TYK2: variants seen among roughly 807,000 people sequenced by gnomAD.
TYK2 encodes the protein tyrosine kinase 2.
TYK2 carries 65 observed loss-of-function variants against 130.9 expected under a neutral mutation model. The ratio of observed to expected loss-of-function variants is 0.50; its 90% confidence interval spans 0.41 to 0.61. The LOEUF is 0.61. Ranked by LOEUF, TYK2 falls within the 20% of genes least tolerant of loss-of-function variation. The probability of loss-of-function intolerance (pLI) is 0.00; values close to 1 mark genes in which losing one functional copy is unlikely to be tolerated. For missense variants in TYK2, 1,378 were observed against 1,610.7 expected (o/e 0.86, Z 2.47); for synonymous variants, 647 against 658.9 (o/e 0.98, Z 0.28).
Position 10,362,123 on chromosome 19 carries a change from G to C in TYK2, c.1728C>G (p.Leu576=), listed in dbSNP as rs1053773012. 3.7e-6 allele frequency: 6 copies of C among 1,613,994 alleles called. No homozygotes were observed. The highest frequency in any genetic ancestry group is 5.1e-6 in the Non-Finnish European group (6 of 1,180,044). Residue 576 remains leucine, a synonymous_variant, in exon 12 of 25, where the codon CTC becomes CTG. Transcript: ENST00000525621. ...CAACCCGGTGGAAGCTGAGCTGGCT[G>C]AGGTTGAGTGTCCTGGGGCTGGCCC... The part of the protein sequence containing the change: ...GARASPRTLN[L]SQLSFHRVDQ...
chr19:10,354,437 G>T, intron 19 of TYK2, 75 bp downstream of exon 19: 2 of 1,474,448 alleles, frequency 1.4e-6, no homozygotes, highest in Non-Finnish European at 1.9e-6. Flanking sequence ...ATCACCTTAG[G>T]TAGGAATTTA....
rs1250128520 is a variant in TYK2 at position 10,357,799 on chromosome 19, C to T, written c.2431G>A (p.Gly811Arg). 8 of 1,613,108 alleles carry T rather than the reference C, an allele frequency of 5.0e-6. No individual in the cohort carries two copies. Among genetic ancestry groups the T allele is most frequent in the Non-Finnish European group, 6.8e-6 (8 of 1,179,804 alleles). Residue 811 changes from glycine (G) to arginine (R), a missense_variant, in exon 17 of 25, where the codon GGA becomes AGA. Gly to Arg is a moderately radical substitution (Grantham distance 125). Coordinates refer to ENST00000525621, the MANE Select transcript of TYK2 (RefSeq NM_003331.5). ...CTGCGGCTCTGCAGAGGGGCCTCTCCGTCAAAGCAGATCTCCAGGAGGGTG... is the reference window on the plus strand; with the variant it reads ...CTGCGGCTCTGCAGAGGGGCCTCTCTGTCAAAGCAGATCTCCAGGAGGGTG... ...GATLLEICFD[G>R]EAPLQSRSPS... is the part of the protein sequence containing the mutation.
intron 22 of TYK2, 28 bp from the exon 23 acceptor site, chr19:10,352,579 G>T: frequency 8.9e-7 from 1 of 1,124,888 alleles, no homozygotes; most frequent in Non-Finnish European, 1.3e-6. Context: ...CTCAGGCCAC[G>T]GGGGGCTGCA....
chr19:10,353,867 C>T lies in TYK2; in HGVS notation c.2908+175G>A. On this transcript the variant is annotated intron_variant, in intron 20 of 24. Transcript: ENST00000525621. This position sits in a 1 kb window ranked among gnomAD's most constrained non-coding sequence, Gnocchi z 6.9. ...ATCCTGGCCCCAGCAGGTAGCACCC[C>T]CCAGATGGGAAGGAGGCAGCCCAGC... 2 of 770,172 alleles carry T rather than the reference C, an allele frequency of 2.6e-6. No individual in the cohort carries two copies. Among genetic ancestry groups the T allele is most frequent in the Non-Finnish European group, 4.2e-6 (2 of 471,112 alleles). 47.7% of individuals were successfully genotyped at this position (770,172 alleles called of 1,614,324 possible). A position where few individuals can be genotyped will look rare whatever the true frequency, so the allele number is the denominator to read the frequency against.
At chr19:10,380,193 C>G (rs1044710096) in intron 1 of TYK2, among the ~76,000 whole-genome samples, 187 bp downstream of exon 1, 1 of 152,188 alleles carries the variant, frequency 6.6e-6, no homozygotes, top group African/African-American at 2.4e-5. Flanking sequence ...AGATGAGATC[C>G]CGGGGATGGG....
chr19:10,361,901 C>T lies in TYK2; in HGVS notation c.1828G>A (p.Val610Met). The change falls in exon 13 of 25, where the codon GTG (valine) becomes ATG (methionine). Residue 610 changes from valine to methionine, a missense_variant. Coordinates refer to ENST00000525621, the MANE Select transcript of TYK2 (RefSeq NM_003331.5). This position sits in a 1 kb window ranked among gnomAD's most constrained non-coding sequence, Gnocchi z 4.0. ...RTNVYEGRLR[V>M]EGSGDPEEGK... ...TCCTCAGGGTCCCCGCTGCCCTCCACTCGCAGGCGGCCCTCATACACGTTG... is the reference window on the plus strand; with the variant it reads ...TCCTCAGGGTCCCCGCTGCCCTCCATTCGCAGGCGGCCCTCATACACGTTG... The T allele has an allele frequency of 6.2e-7, 1 of 1,614,102 alleles. No homozygotes were observed. The highest frequency in any genetic ancestry group is 1.7e-5 in the Admixed American group (1 of 60,018).
Position 10,353,118 on chromosome 19 carries a change from C to T in TYK2, c.3028-20G>A, listed in dbSNP as rs1466684346. On this transcript the variant is annotated intron_variant, in intron 21 of 24. Transcript: ENST00000525621. This position sits in a 1 kb window ranked among gnomAD's most constrained non-coding sequence, Gnocchi z 6.9. ...CATGCCCTGGGGACGGGGCAGGGCT[C>T]GTGAGTTTCAGTGGGGCGGGGTTCG... is the stretch of plus-strand genomic sequence containing the variant. 14 of 1,479,286 alleles carry T rather than the reference C, an allele frequency of 9.5e-6. No homozygotes were observed. Among genetic ancestry groups the T allele is most frequent in the Non-Finnish European group, 1.1e-5 (12 of 1,110,358 alleles). 91.6% of individuals were successfully genotyped at this position (1,479,286 alleles called of 1,614,324 possible).
Position 10,359,268 on chromosome 19 carries a change from G to A in TYK2, c.2082C>T (p.Pro694=). 1 of 1,611,932 alleles carries A rather than the reference G, an allele frequency of 6.2e-7. No individual in the cohort carries two copies. Among genetic ancestry groups the A allele is most frequent in the Non-Finnish European group, 8.5e-7 (1 of 1,179,956 alleles). Residue 694 remains proline (P), a synonymous_variant, in exon 15 of 25, where the codon CCC becomes CCT. Transcript: ENST00000525621. ...IMVTEYVEHG[P]LDVWLRRERG... is the part of the protein sequence containing the mutation. The stretch of plus-strand genomic sequence containing the variant: ...GCTCCCTCCGCAGCCACACATCCAG[G>A]GGTCCGTGCTCCACGTACTCTGTCA...
Position 10,352,517 on chromosome 19 carries a change from A to G in TYK2, c.3235T>C (p.Tyr1079His). 4 of 1,594,312 alleles carry G rather than the reference A, an allele frequency of 2.5e-6. No homozygotes were observed. The highest frequency in any genetic ancestry group is 3.4e-6 in the Non-Finnish European group (4 of 1,168,482). ...APECLKEYKF[Y>H]YASDVWSFGV... Reference sequence around the variant, plus strand: ...AAGGACCAGACATCTGACGCATAGTAGAACTTATACTCCTTCAGGCACTCT... The same window carrying G: ...AAGGACCAGACATCTGACGCATAGTGGAACTTATACTCCTTCAGGCACTCT... The change falls in exon 23 of 25, where the codon TAC (tyrosine) becomes CAC (histidine). Residue 1079 changes from tyrosine (Y) to histidine (H), a missense_variant. Coordinates refer to ENST00000525621, the MANE Select transcript of TYK2 (RefSeq NM_003331.5).
chr19:10,357,765 T>C lies in TYK2; in HGVS notation c.2465A>G (p.Glu822Gly), dbSNP rs1381320026. Residue 822 changes from glutamate (E) to glycine (G), a missense_variant and splice_region_variant, in exon 17 of 25, where the codon GAG becomes GGG. Physicochemically the swap from Glu to Gly is moderately conservative, Grantham distance 98 (BLOSUM62 -2). Transcript: ENST00000525621. ...GGCCCAAGGGTCTCCTAGACATACC[T>C]CGGAGGGACTGCGGCTCTGCAGAGG... ...EAPLQSRSPS[E>G]KEHFYQRQHR... 6.2e-7 allele frequency: 1 copy of C among 1,607,210 alleles called. No individual in the cohort carries two copies.
In TYK2 at chr19:10,362,146, C is replaced by T. The variant is rs760031894; in HGVS notation, c.1705G>A (p.Ala569Thr). 2.9e-5 allele frequency: 47 copies of T among 1,613,904 alleles called. No homozygotes were observed. The highest frequency in any genetic ancestry group is 3.8e-5 in the Non-Finnish European group (45 of 1,180,022). Reference sequence around the variant, plus strand: ...CTGAGGTTGAGTGTCCTGGGGCTGGCCCGAGCCCCCCGCATGATGATGAGA... The same window carrying T: ...CTGAGGTTGAGTGTCCTGGGGCTGGTCCGAGCCCCCCGCATGATGATGAGA... ...SNLIIMRGAR[A>T]SPRTLNLSQL... is the part of the protein sequence containing the mutation. The change falls in exon 12 of 25, where the codon GCC becomes ACC. Residue 569 changes from alanine to threonine, a missense_variant. Ala to Thr is a moderately conservative substitution (Grantham distance 58). Coordinates refer to ENST00000525621, the MANE Select transcript of TYK2 (RefSeq NM_003331.5).
intron 9 of TYK2, among the ~76,000 whole-genome samples, chr19:10,363,930 G>A (rs1479560722): frequency 6.6e-6 from 1 of 152,124 alleles, no homozygotes; most frequent in Non-Finnish European, 1.5e-5. Context: ...GAGTCACAGG[G>A]CCAGTGACCA....
In TYK2 at chr19:10,353,185, G is replaced by A. The variant is rs2040901488; in HGVS notation, c.3028-87C>T. 1 of 1,242,584 alleles carries A rather than the reference G, an allele frequency of 8.0e-7. No individual in the cohort carries two copies. The highest frequency in any genetic ancestry group is 1.1e-6 in the Non-Finnish European group (1 of 934,382). The allele number at this position is 1,242,584 out of a possible 1,614,324, so 77.0% of individuals were successfully genotyped here. On this transcript the variant is annotated intron_variant, in intron 21 of 24. Coordinates refer to ENST00000525621, the MANE Select transcript of TYK2 (RefSeq NM_003331.5). The surrounding 1 kb of genome is among the most constrained non-coding windows in gnomAD (Gnocchi z 6.9). ...GGACCTGAGCAGCCAGGAGGGCTGG[G>A]GGACAGTCAGGTCAGGCCGGTGGCT...
intron 20 of TYK2, 34 bp downstream of exon 20, chr19:10,354,008 C>G (rs780453220): frequency 4.3e-6 from 7 of 1,609,672 alleles, no homozygotes; most frequent in Admixed American, 1.7e-5. Flanking sequence ...ACCACGCCCC[C>G]TCAAGTCTCT....
rs1263790040 is a variant in TYK2, at chr19:10,359,414, G to A, written c.2048-112C>T. ...TGGCATGTGGCTGGGGAGGTGTCAGGGCAGAGGTGTGGGTGGAGTTTGGTC... is the reference window on the plus strand; with the variant it reads ...TGGCATGTGGCTGGGGAGGTGTCAGAGCAGAGGTGTGGGTGGAGTTTGGTC... On this transcript the variant is annotated intron_variant, in intron 14 of 24. Coordinates refer to ENST00000525621, the MANE Select transcript of TYK2 (RefSeq NM_003331.5). 4.5e-6 allele frequency: 6 copies of A among 1,333,522 alleles called. No homozygotes were observed. In the South Asian group the frequency reaches 6.2e-5, roughly 14 times the overall value. 82.6% of individuals were successfully genotyped at this position (1,333,522 alleles called of 1,614,324 possible). A position where few individuals can be genotyped will look rare whatever the true frequency, so the allele number is the denominator to read the frequency against.
rs771605702 is a variant in TYK2, at chr19:10,362,103, C to T, written c.1748G>A (p.Arg583Gln). ...CTGGGTGATCTCCTTCTGGTCAACC[C>T]GGTGGAAGCTGAGCTGGCTGAGGTT... is the stretch of plus-strand genomic sequence containing the variant. ...TLNLSQLSFH[R>Q]VDQKEITQLS... Residue 583 changes from arginine to glutamine, a missense_variant, in exon 12 of 25, where the codon CGG becomes CAG. Transcript: ENST00000525621. The T allele has an allele frequency of 9.3e-6, 15 of 1,614,122 alleles. No homozygotes were observed. The highest frequency in any genetic ancestry group is 3.3e-5 in the South Asian group (3 of 91,078).
chr19:10,353,314 G>T lies in TYK2; in HGVS notation c.3027+214C>A. 1 of 574,292 alleles carries T rather than the reference G, an allele frequency of 1.7e-6. No individual in the cohort carries two copies. The highest frequency in any genetic ancestry group is 3.0e-6 in the Non-Finnish European group (1 of 334,212). The allele number at this position is 574,292 out of a possible 1,614,324, so 35.6% of individuals were successfully genotyped here. ...GACGAGCAAAGCTGGGCAGGAGGGC[G>T]AGTTGGGAGGGGCCGAGCCGGCTGT... On this transcript the variant is annotated intron_variant, in intron 21 of 24. Coordinates refer to ENST00000525621, the MANE Select transcript of TYK2 (RefSeq NM_003331.5). The surrounding 1 kb of genome is among the most constrained non-coding windows in gnomAD (Gnocchi z 6.9).
chr19:10,377,564 ATGGGTGGGTGGGTGG>A (rs2042184241), intron 3 of TYK2, among the ~76,000 whole-genome samples: 7 of 52,682 alleles, frequency 1.3e-4, no homozygotes, highest in East Asian at 6.2e-4. Context: ...GGGTGGATGG[ATGGGTGGGTGGGTGG>A]ATGGATGGAT....
intron 15 of TYK2, among the ~76,000 whole-genome samples, 153 bp from the exon 16 acceptor site, chr19:10,358,291 C>CTTTTTTTT (rs2041211470): frequency 8.4e-6 from 1 of 118,652 alleles, no homozygotes; most frequent in African/African-American, 3.5e-5. Flanking sequence ...TTATTTTTTT[C>CTTTTTTTT]TTGTTTTTTT....
Sources: gnomAD v4.1 joint callset for allele counts (sites outside exome capture counted in the v4.1 genomes callset) on GRCh38, gnomAD v4.1.1 for gene constraint, Gnocchi (gnomAD v3.1) non-coding constraint, MANE v1.5 for transcripts, NCBI Gene and HGNC (gene_info 2026-07-23, HGNC 2026-07-21) for gene names.